Variants in HNRNPC observed in about 807,000 individuals in gnomAD.
HNRNPC encodes the protein heterogeneous nuclear ribonucleoprotein C.
Under a neutral mutation model 33.2 loss-of-function variants are expected in HNRNPC, and 3 were observed. The ratio of observed to expected loss-of-function variants is 0.09; its 90% confidence interval spans 0.04 to 0.23. The LOEUF (loss-of-function observed/expected upper bound fraction) is 0.23, where lower values mean the gene tolerates loss of function less well. Among genes scored for constraint, HNRNPC ranks in the 10% least tolerant of loss-of-function variants. HNRNPC has a pLI of 1.00. For missense variants in HNRNPC, 143 were observed against 366.7 expected, an observed-to-expected ratio of 0.39 and a Z score of 4.98; for synonymous variants, 121 against 126.7, an observed-to-expected ratio of 0.96 and a Z score of 0.30.
chr14:21,224,549 C>CA (rs1465332372), intron 5 of HNRNPC, among the ~76,000 whole-genome samples: 5 of 152,132 alleles, frequency 3.3e-5, no homozygotes, highest in African/African-American at 1.2e-4. Flanking sequence ...ACCTTTAGTC[C>CA]AACCAATCAC....
chr14:21,254,543 G>A (rs1019252974), intron 2 of HNRNPC: 45 of 152,156 alleles, frequency 3.0e-4, no homozygotes, highest in African/African-American at 1.0e-3. Context: ...TAAAGATGAG[G>A]TACCTCCTCT....
intron 2 of HNRNPC, among the ~76,000 whole-genome samples, chr14:21,236,964 T>G (rs141112425): frequency 4.4e-4 from 67 of 152,234 alleles, no homozygotes; most frequent in African/African-American, 1.5e-3. Context: ...GGTAAGCAAC[T>G]TGGAGAATAA....
At chr14:21,229,478 C>T (rs145118903) in intron 5 of HNRNPC, among the ~76,000 whole-genome samples, 7 of 152,318 alleles carry the variant, frequency 4.6e-5, no homozygotes, top group African/African-American at 1.7e-4. Flanking sequence ...GCATTCAAGG[C>T]CCTTTACAAT....
intron 1 of HNRNPC, among the ~76,000 whole-genome samples, chr14:21,266,881 A>C (rs945527157): frequency 2.7e-5 from 4 of 150,930 alleles, no homozygotes; most frequent in Admixed American, 1.3e-4. Context: ...CCCTGAGCTC[A>C]GGAGTTCGAG....
At chr14:21,220,577 G>C (rs552679556) in intron 5 of HNRNPC, among the ~76,000 whole-genome samples, 12 of 152,192 alleles carry the variant, frequency 7.9e-5, no homozygotes, top group African/African-American at 2.6e-4. Flanking sequence ...CTCACAGCAG[G>C]ATCATAACAA....
chr14:21,235,152 G>A (rs1216242567), intron 2 of HNRNPC, among the ~76,000 whole-genome samples: 2 of 152,104 alleles, frequency 1.3e-5, no homozygotes, highest in East Asian at 1.9e-4. Flanking sequence ...CTCAGGTCCC[G>A]TAAAGCGAAA....
chr14:21,225,241 T>C (rs1201671085), intron 5 of HNRNPC, among the ~76,000 whole-genome samples: 3 of 150,556 alleles, frequency 2.0e-5, no homozygotes, highest in Non-Finnish European at 3.0e-5. Flanking sequence ...GCCAACATGG[T>C]GAAACCCCGT....
chr14:21,211,639 C>A, intron 7 of HNRNPC, 73 bp from the exon 8 acceptor site: 1 of 1,518,078 alleles, frequency 6.6e-7, no homozygotes, highest in Non-Finnish European at 8.9e-7. Context: ...CACTAAGGAT[C>A]ACAGAACTGC....
chr14:21,220,400 TG>T (rs1423940002), intron 5 of HNRNPC, among the ~76,000 whole-genome samples: 3 of 152,092 alleles, frequency 2.0e-5, no homozygotes, highest in African/African-American at 7.2e-5. Context: ...GCTAATTTTT[TG>T]TATTTTTGGT....
chr14:21,234,278 T>C (rs1339253257), intron 2 of HNRNPC, 49 bp from the exon 3 acceptor site: 1 of 1,503,226 alleles, frequency 6.7e-7, no homozygotes, highest in Non-Finnish European at 9.0e-7. Context: ...AAAAACAATA[T>C]TCCTTGATAA....
chr14:21,236,834 A>G (rs1894746334), intron 2 of HNRNPC, among the ~76,000 whole-genome samples: 1 of 152,178 alleles, frequency 6.6e-6, no homozygotes, highest in South Asian at 2.1e-4. Context: ...GACTCCCAAA[A>G]TAAGACTCAA....
chr14:21,239,105 CAGA>C (rs1307723837), intron 2 of HNRNPC, among the ~76,000 whole-genome samples: 5 of 151,966 alleles, frequency 3.3e-5, no homozygotes, highest in South Asian at 2.1e-4. Context: ...GCCTAGGCAA[CAGA>C]AGGAGACACT....
At chr14:21,251,135 C>A (rs534014259) in intron 2 of HNRNPC, among the ~76,000 whole-genome samples, 2 of 151,714 alleles carry the variant, frequency 1.3e-5, no homozygotes, top group African/African-American at 2.4e-5. Flanking sequence ...GTGGAGGGCG[C>A]CTGTAGTCCT....
chr14:21,268,260 G>A (rs1879347379), intron 1 of HNRNPC, among the ~76,000 whole-genome samples: 1 of 152,176 alleles, frequency 6.6e-6, no homozygotes, highest in African/African-American at 2.4e-5. Flanking sequence ...TAACGTAGCT[G>A]TGAATTTTTG....
intron 5 of HNRNPC, among the ~76,000 whole-genome samples, chr14:21,213,963 A>G (rs1465325094): frequency 6.6e-6 from 1 of 152,254 alleles, no homozygotes; most frequent in African/African-American, 2.4e-5. Flanking sequence ...ATTGATAAAG[A>G]TACACCAAAG....
At chr14:21,230,932 C>T in intron 4 of HNRNPC, 65 bp downstream of exon 4, 2 of 1,571,540 alleles carry the variant, frequency 1.3e-6, no homozygotes, top group Admixed American at 1.7e-5. Context: ...GGACACAATG[C>T]AGTTATAAAT....
In HNRNPC at chr14:21,234,243, A is replaced by T. The variant is rs765758451; in HGVS notation, c.-36-14T>A. On this transcript the variant is annotated splice_polypyrimidine_tract_variant and intron_variant, in intron 2 of 8. Transcript: ENST00000553300. Reference sequence around the variant, plus strand: ...CAAAGCCGAAAACTGTAAAGCAAAAAAAAGTATACAGGTGAACAGATGCTA... The same window carrying T: ...CAAAGCCGAAAACTGTAAAGCAAAATAAAGTATACAGGTGAACAGATGCTA... 17 of 1,549,330 alleles carry T rather than the reference A, an allele frequency of 1.1e-5. No individual in the cohort carries two copies. The highest frequency in any genetic ancestry group is 1.1e-5 in the Non-Finnish European group (12 of 1,129,570).
chr14:21,226,902 G>A (rs768769343), intron 5 of HNRNPC, among the ~76,000 whole-genome samples: 7,390 of 134,542 alleles, frequency 0.055, 493 homozygotes, highest in Admixed American at 0.16. Flanking sequence ...AAAAGGGGGG[G>A]GGGGGACAGT....
At chr14:21,220,150 A>C (rs945214014) in intron 5 of HNRNPC, among the ~76,000 whole-genome samples, 1 of 151,932 alleles carries the variant, frequency 6.6e-6, no homozygotes, top group Non-Finnish European at 1.5e-5. Flanking sequence ...TTCCCATCTC[A>C]TTCAAAGTAA....
Sources: allele counts gnomAD v4.1 joint callset (sites outside exome capture counted in the v4.1 genomes callset), GRCh38; gene constraint gnomAD v4.1.1; transcripts MANE v1.5; gene names NCBI Gene and HGNC (gene_info 2026-07-23, HGNC 2026-07-21).